LONRF1: variants seen among roughly 807,000 people sequenced by gnomAD.
LONRF1 encodes the protein LON peptidase N-terminal domain and RING finger protein 1.
A neutral mutation model predicts 85.8 loss-of-function variants in LONRF1; 37 were observed. That is an observed-to-expected ratio of 0.43 (90% confidence interval 0.33 to 0.57). The LOEUF (loss-of-function observed/expected upper bound fraction) is 0.57. Among genes scored for constraint, LONRF1 ranks in the 20% least tolerant of loss-of-function variants. The probability of loss-of-function intolerance (pLI) is 0.04; values close to 1 mark genes in which losing one functional copy is unlikely to be tolerated. For missense variants in LONRF1, 1,036 were observed against 978.0 expected (o/e 1.06, Z -0.79); for synonymous variants, 517 against 390.1 (o/e 1.33, Z -3.83).
At chr8:12,737,394 A>G (rs1798761258) in intron 4 of LONRF1, 1 of 643,846 alleles carries the variant, frequency 1.6e-6, no homozygotes, top group Non-Finnish European at 2.8e-6. Context: ...AAAAAGCCTG[A>G]ACATATATCG....
intron 1 of LONRF1, among the ~76,000 whole-genome samples, chr8:12,751,130 G>A (rs1585261597): frequency 6.6e-6 from 1 of 152,042 alleles, no homozygotes; most frequent in Non-Finnish European, 1.5e-5. Flanking sequence ...AGCATGCAGA[G>A]CTTTAATCAC....
chr8:12,750,158 G>A (rs1462019384), intron 1 of LONRF1, among the ~76,000 whole-genome samples: 1 of 152,186 alleles, frequency 6.6e-6, no homozygotes, highest in African/African-American at 2.4e-5. Context: ...GTGAATTAGG[G>A]ATATTAATAC....
intron 8 of LONRF1, among the ~76,000 whole-genome samples, chr8:12,730,366 T>C (rs1001798666): frequency 2.0e-5 from 3 of 152,226 alleles, no homozygotes; most frequent in East Asian, 1.9e-4. Context: ...TTGATTCCCT[T>C]TGAGTTGCAG....
In LONRF1 at chr8:12,736,922, T is replaced by C. The variant is rs766247743; in HGVS notation, c.1332A>G (p.Arg444=). 7 of 1,610,552 alleles carry C rather than the reference T, an allele frequency of 4.3e-6. No individual in the cohort carries two copies. Among genetic ancestry groups the C allele is most frequent in the East Asian group, 2.2e-5 (1 of 44,830 alleles). ...TACCTCCTTGTTTTTTCAGCTTATTTCTTCCATCTTCATTTACAATCACAT... is the reference window on the plus strand; with the variant it reads ...TACCTCCTTGTTTTTTCAGCTTATTCCTTCCATCTTCATTTACAATCACAT... ...EQDVIVNEDG[R]NKLKKQGETP... The change falls in exon 5 of 12, where the codon AGA becomes AGG. Residue 444 remains arginine, a synonymous_variant. Coordinates refer to ENST00000398246, the MANE Select transcript of LONRF1 (RefSeq NM_152271.5).
At chr8:12,753,673 G>C (rs567628641) in intron 1 of LONRF1, 1 of 152,312 alleles carries the variant, frequency 6.6e-6, no homozygotes, top group Non-Finnish European at 1.5e-5. Context: ...GAGAACTACT[G>C]ATTTATATAG....
At chr8:12,749,448 T>C (rs1585258772) in intron 1 of LONRF1, among the ~76,000 whole-genome samples, 1 of 152,162 alleles carries the variant, frequency 6.6e-6, no homozygotes, top group East Asian at 1.9e-4. Flanking sequence ...TTTTGAGAAA[T>C]ACCTTTGGAA....
intron 7 of LONRF1, among the ~76,000 whole-genome samples, chr8:12,732,096 C>T (rs1473646243): frequency 3.3e-5 from 5 of 152,208 alleles, no homozygotes; most frequent in Non-Finnish European, 7.3e-5. Flanking sequence ...AGAAGAACTG[C>T]TTCCTGCTGT....
chr8:12,737,476 G>C (rs766597737), intron 4 of LONRF1: 20 of 400,764 alleles, frequency 5.0e-5, no homozygotes, highest in Non-Finnish European at 7.6e-5. Flanking sequence ...CATTGTATTA[G>C]GTATTATAAG....
chr8:12,754,515 C>T (rs1799549019), intron 1 of LONRF1, among the ~76,000 whole-genome samples, 185 bp downstream of exon 1: 1 of 151,922 alleles, frequency 6.6e-6, no homozygotes, highest in Non-Finnish European at 1.5e-5. Context: ...CCCATTATGA[C>T]CGAAGCACCC....
chr8:12,732,600 T>C lies in LONRF1; in HGVS notation c.1567-743A>G, dbSNP rs140631401. On this transcript the variant is annotated intron_variant, in intron 7 of 11. Transcript: ENST00000398246. ...AAGCCATCTCTCTCACTCCTGCTTA[T>C]GCAAAACATGTCTATCCTTCAAGGT... Among the ~76,000 whole-genome samples, 225 of 152,368 alleles carry C rather than the reference T, an allele frequency of 1.5e-3. 1 individual carries two copies. The highest frequency in any genetic ancestry group is 4.8e-3 in the Admixed American group (73 of 15,302).
At chr8:12,740,342 T>C (rs1377110461) in intron 3 of LONRF1, among the ~76,000 whole-genome samples, 3 of 152,208 alleles carry the variant, frequency 2.0e-5, no homozygotes, top group Non-Finnish European at 4.4e-5. Flanking sequence ...CTTAACCCAA[T>C]GCTTCCCAAA....
intron 1 of LONRF1, among the ~76,000 whole-genome samples, chr8:12,743,825 G>A (rs942924411): frequency 4.8e-4 from 71 of 149,024 alleles, no homozygotes; most frequent in African/African-American, 1.7e-3. Flanking sequence ...TTAAGAGATC[G>A]AATTTTAATT....
chr8:12,744,009 T>G (rs1263650815), intron 1 of LONRF1, among the ~76,000 whole-genome samples: 2 of 152,196 alleles, frequency 1.3e-5, no homozygotes, highest in African/African-American at 4.8e-5. Flanking sequence ...TCACTGATAT[T>G]ACTGCAATCA....
chr8:12,734,399 T>C (rs571084438), intron 7 of LONRF1, among the ~76,000 whole-genome samples: 1 of 152,236 alleles, frequency 6.6e-6, no homozygotes, highest in Non-Finnish European at 1.5e-5. Context: ...TTTCAATTCA[T>C]ATTTGGAAGA....
rs1353565080 is a variant in LONRF1 at position 12,755,470 on chromosome 8, C to G, written c.-50G>C. On this transcript the variant is annotated 5_prime_UTR_variant, in exon 1 of 12. Transcript: ENST00000398246. The stretch of plus-strand genomic sequence containing the variant: ...CCGCCCGCCGCCACGGTCCCGGAGC[C>G]TCCCGGGCGCGCGGCTCCGCACGCG... 2.9e-6 allele frequency: 3 copies of G among 1,028,072 alleles called. No individual in the cohort carries two copies. Among genetic ancestry groups the G allele is most frequent in the African/African-American group, 1.7e-5 (1 of 58,026 alleles). The allele number at this position is 1,028,072 out of a possible 1,614,324, so 63.7% of individuals were successfully genotyped here. A position where few individuals can be genotyped will look rare whatever the true frequency, so the allele number is the denominator to read the frequency against.
At chr8:12,730,150 G>C (rs1049650302) in intron 8 of LONRF1, among the ~76,000 whole-genome samples, 1 of 152,182 alleles carries the variant, frequency 6.6e-6, no homozygotes, top group Non-Finnish European at 1.5e-5. Context: ...AGACTAGTAA[G>C]ATCAATTATG....
rs1415438670 is a variant in LONRF1 at position 12,755,003 on chromosome 8, G to A, written c.418C>T (p.His140Tyr). ...LSEPVTVPCG[H>Y]SYCRRCLRRE... ...CGCAGGCAGCGGCGGCAGTAGCTGT[G>A]GCCACAGGGCACGGTCACCGGCTCG... Residue 140 changes from histidine to tyrosine, a missense_variant, in exon 1 of 12, where the codon CAC becomes TAC. This residue lies in a region of LONRF1 where 742 missense variants were observed against 614.4 expected (regional missense o/e 1.21). Coordinates refer to ENST00000398246, the MANE Select transcript of LONRF1 (RefSeq NM_152271.5). 2 of 1,493,816 alleles carry A rather than the reference G, an allele frequency of 1.3e-6. No individual in the cohort carries two copies. Among genetic ancestry groups the A allele is most frequent in the Non-Finnish European group, 1.8e-6 (2 of 1,128,576 alleles). 92.5% of individuals were successfully genotyped at this position (1,493,816 alleles called of 1,614,324 possible).
At chr8:12,752,605 T>C (rs997844627) in intron 1 of LONRF1, among the ~76,000 whole-genome samples, 1 of 152,196 alleles carries the variant, frequency 6.6e-6, no homozygotes, top group Non-Finnish European at 1.5e-5. Context: ...GTGCAATCTA[T>C]GCAACTTGAA....
intron 11 of LONRF1, among the ~76,000 whole-genome samples, chr8:12,723,810 A>G (rs1806032861): frequency 6.6e-6 from 1 of 152,232 alleles, no homozygotes; most frequent in African/African-American, 2.4e-5. Flanking sequence ...AAATTTCCTC[A>G]AAGTATTATG....
Sources: allele counts gnomAD v4.1 joint callset (sites outside exome capture counted in the v4.1 genomes callset), GRCh38; gene constraint gnomAD v4.1.1; regional missense constraint gnomAD v4.1.1; transcripts MANE v1.5; gene names NCBI Gene and HGNC (gene_info 2026-07-23, HGNC 2026-07-21).